Variants in ZNF248 observed in about 807,000 individuals in gnomAD.
ZNF248 encodes zinc finger protein 248.
ZNF248 carries 20 observed loss-of-function variants against 44.3 expected under a neutral mutation model. The ratio of observed to expected loss-of-function variants is 0.45; its 90% CI spans 0.32 to 0.66. The LOEUF is 0.66. Ranked by LOEUF, ZNF248 falls within the 30% of genes least tolerant of loss-of-function variation. The probability of loss-of-function intolerance (pLI) is 0.04; values close to 1 mark genes in which losing one functional copy is unlikely to be tolerated. For synonymous variants in ZNF248, 224 were observed against 229.0 expected (o/e 0.98, Z 0.20); for missense variants, 654 against 677.0 (o/e 0.97, Z 0.38).
intron 3 of ZNF248, among the ~76,000 whole-genome samples, chr10:37,838,779 G>T (rs898019663): frequency 6.6e-6 from 1 of 151,816 alleles, no homozygotes; most frequent in Admixed American, 6.6e-5. Context: ...ACAGGTGACC[G>T]TGATAGTAGA....
chr10:37,819,944 G>C, intron 6 of ZNF248: 1 of 769,480 alleles, frequency 1.3e-6, no homozygotes, highest in Non-Finnish European at 2.4e-6. Flanking sequence ...GCCCCATGTC[G>C]GACAGTAGTA....
At chr10:37,800,147 A>G (rs1423946987) in intron 6 of ZNF248, among the ~76,000 whole-genome samples, 1 of 152,206 alleles carries the variant, frequency 6.6e-6, no homozygotes, top group Admixed American at 6.5e-5. Context: ...TCAGGGGTAC[A>G]TGTACGGGTT....
the ZNF248 span, among the ~76,000 whole-genome samples, chr10:37,759,793 C>T: frequency 6.6e-6 from 1 of 152,240 alleles, no homozygotes; most frequent in African/African-American, 2.4e-5. Flanking sequence ...TAGAATCACA[C>T]ATAACCCCAA....
the ZNF248 span, among the ~76,000 whole-genome samples, chr10:37,761,213 G>C: frequency 6.6e-6 from 1 of 152,206 alleles, no homozygotes; most frequent in African/African-American, 2.4e-5. Context: ...TGGATTAAAT[G>C]CCCTTCCCTG....
rs199990299 is a variant in ZNF248, at chr10:37,837,967, C to T, written c.142+18G>A. 4.3e-5 allele frequency: 69 copies of T among 1,609,584 alleles called. No homozygotes were observed. Among genetic ancestry groups the T allele is most frequent in the East Asian group, 1.1e-4 (5 of 44,818 alleles). On this transcript the variant is annotated intron_variant, in intron 4 of 5. Transcript: ENST00000395867. ...AATGCATGCTATTGATAGCCATGTG[C>T]GGAAAAAAACTCCTTACCTACTGAG...
intron 6 of ZNF248, among the ~76,000 whole-genome samples, chr10:37,800,572 ATGAAC>A (rs2049685626): frequency 6.6e-6 from 1 of 152,172 alleles, no homozygotes; most frequent in African/African-American, 2.4e-5. Context: ...TAGTGCTGCA[ATGAAC>A]ATATGTGTGC....
chr10:37,857,832 C>A (rs1148297), upstream of ZNF248: 9,149 of 152,594 alleles, frequency 0.06, 360 homozygotes, highest in Middle Eastern at 0.098. Flanking sequence ...CCGGGAGCCC[C>A]GGAACTCGCG....
intron 6 of ZNF248, among the ~76,000 whole-genome samples, chr10:37,798,285 A>G (rs1310111664): frequency 3.9e-5 from 6 of 152,140 alleles, no homozygotes; most frequent in Non-Finnish European, 7.4e-5. Flanking sequence ...CAAAAAGCCA[A>G]TTAGTGGTTG....
At chr10:37,779,974 C>T (rs17607373) in intron 6 of ZNF248, among the ~76,000 whole-genome samples, 7,395 of 148,148 alleles carry the variant, frequency 0.05, 244 homozygotes, top group Middle Eastern at 0.081. Context: ...TGAAGGACCT[C>T]TTCAAGGAGA....
At chr10:37,819,927 A>C in intron 6 of ZNF248, 3 of 771,858 alleles carry the variant, frequency 3.9e-6, no homozygotes, top group Non-Finnish European at 7.2e-6. Context: ...ATTGTTCAGT[A>C]AACGAGGCCC....
the ZNF248 span, among the ~76,000 whole-genome samples, chr10:37,766,234 C>A: frequency 2.0e-5 from 3 of 152,226 alleles, no homozygotes; most frequent in South Asian, 6.2e-4. Flanking sequence ...CTTAAATGTC[C>A]CTGTCTGACA....
chr10:37,815,945 G>A (rs149930172), intron 6 of ZNF248, among the ~76,000 whole-genome samples: 5 of 149,800 alleles, frequency 3.3e-5, no homozygotes, highest in Admixed American at 6.7e-5. Context: ...CTCTGTATAC[G>A]TGGTTGCTAA....
intron 3 of ZNF248, among the ~76,000 whole-genome samples, chr10:37,847,470 G>A (rs1224766884): frequency 3.3e-5 from 5 of 152,104 alleles, no homozygotes; most frequent in Admixed American, 6.6e-5. Context: ...ATTGTATTGT[G>A]GTTAGGTAAG....
At position 37,831,118 on chromosome 10, in the gene ZNF248, T is replaced by A. The variant is rs1031089314; in HGVS notation, c.*497A>T. The A allele has an allele frequency of 6.3e-6, 9 of 1,421,852 alleles. No homozygotes were observed. The Admixed American group carries it at 2.7e-4, about 42-fold the overall frequency. 88.1% of individuals were successfully genotyped at this position (1,421,852 alleles called of 1,614,324 possible). A position where few individuals can be genotyped will look rare whatever the true frequency, so the allele number is the denominator to read the frequency against. On this transcript the variant is annotated 3_prime_UTR_variant, in exon 6 of 6. Transcript: ENST00000395867. ...CCAATGGTATTTAGTGTAGAAAATA[T>A]TAACAAATACCATAGTAGTTACTCA...
chr10:37,769,755 G>A, the ZNF248 span, among the ~76,000 whole-genome samples: 1 of 152,174 alleles, frequency 6.6e-6, no homozygotes, highest in Non-Finnish European at 1.5e-5. Flanking sequence ...TCAACATAGT[G>A]GTGGAAGTTC....
chr10:37,826,015 A>T (rs1268148699), downstream of ZNF248, among the ~76,000 whole-genome samples: 1 of 152,198 alleles, frequency 6.6e-6, no homozygotes, highest in African/African-American at 2.4e-5. Flanking sequence ...GAAGCTACCT[A>T]AAAGTGAGCC....
At chr10:37,812,327 A>T (rs2051649121) in intron 6 of ZNF248, among the ~76,000 whole-genome samples, 1 of 152,138 alleles carries the variant, frequency 6.6e-6, no homozygotes, top group African/African-American at 2.4e-5. Flanking sequence ...GGAAAAAAAA[A>T]AGTGCCACAA....
intron 3 of ZNF248, among the ~76,000 whole-genome samples, chr10:37,841,307 T>G (rs1193121952): frequency 6.6e-6 from 1 of 152,242 alleles, no homozygotes; most frequent in African/African-American, 2.4e-5. Context: ...GATGATCTAC[T>G]GAAACTTTCT....
At chr10:37,843,881 AT>A (rs2134340796) in intron 3 of ZNF248, among the ~76,000 whole-genome samples, 1 of 152,320 alleles carries the variant, frequency 6.6e-6, no homozygotes, top group East Asian at 1.9e-4. Context: ...ACAGAAAAAA[AT>A]ATATAAAGAA....
Sources: gnomAD v4.1 joint callset for allele counts (sites outside exome capture counted in the v4.1 genomes callset) on GRCh38, gnomAD v4.1.1 for gene constraint, MANE v1.5 for transcripts, NCBI Gene and HGNC (gene_info 2026-07-23, HGNC 2026-07-21) for gene names.